DNAJC15: variants seen among roughly 807,000 people sequenced by gnomAD.
DNAJC15 encodes the protein dnaJ homolog subfamily C member 15.
A neutral mutation model predicts 22.4 loss-of-function variants in DNAJC15; 27 were observed. The observed-to-expected ratio is 1.20, with a 90% CI of 0.89 to 1.66. The LOEUF (loss-of-function observed/expected upper bound fraction) is 1.66, where lower values mean the gene tolerates loss of function less well. Among genes scored for constraint, DNAJC15 ranks in the 40% most tolerant of loss-of-function variants. The pLI is 0.00. For missense variants in DNAJC15, 208 were observed against 187.1 expected (o/e 1.11, Z -0.65); for synonymous variants, 79 against 63.2 (o/e 1.25, Z -1.19).
At chr13:43,043,359 T>A (rs922616902) in intron 1 of DNAJC15, among the ~76,000 whole-genome samples, 38 of 152,188 alleles carry the variant, frequency 2.5e-4, no homozygotes, top group African/African-American at 9.2e-4. Flanking sequence ...TCTACCCGCC[T>A]TGGTCTCCCA....
chr13:43,058,161 A>T (rs2040540567), intron 1 of DNAJC15, among the ~76,000 whole-genome samples: 1 of 152,074 alleles, frequency 6.6e-6, no homozygotes, highest in Non-Finnish European at 1.5e-5. Context: ...CTTTTTTCTT[A>T]GAGTGTGGTT....
At chr13:43,049,479 C>A (rs757305303) in intron 1 of DNAJC15, among the ~76,000 whole-genome samples, 46 of 152,124 alleles carry the variant, frequency 3.0e-4, no homozygotes, top group Non-Finnish European at 1.0e-4. Context: ...TGAAAGCATG[C>A]TAATTGTTTT....
At chr13:43,104,465 G>A (rs2040786401) in intron 5 of DNAJC15, among the ~76,000 whole-genome samples, 1 of 152,004 alleles carries the variant, frequency 6.6e-6, no homozygotes, top group African/African-American at 2.4e-5. Context: ...ATTTTATTTA[G>A]CTCTTCTAGT....
At chr13:43,084,860 T>TA (rs1404031829) in intron 4 of DNAJC15, among the ~76,000 whole-genome samples, 1 of 152,216 alleles carries the variant, frequency 6.6e-6, no homozygotes, top group Non-Finnish European at 1.5e-5. Flanking sequence ...CTATGAGACA[T>TA]AAAGAGTTTT....
At chr13:43,037,572 A>T (rs367648981) in intron 1 of DNAJC15, among the ~76,000 whole-genome samples, 1 of 152,310 alleles carries the variant, frequency 6.6e-6, no homozygotes, top group Non-Finnish European at 1.5e-5. Flanking sequence ...TGTTAAACCC[A>T]TCTCACCAGG....
In DNAJC15 at chr13:43,112,136, T is replaced by C. The variant is rs536493714; in HGVS notation, c.*4888T>C. On this transcript the variant is annotated 3_prime_UTR_variant, in exon 6 of 6. Transcript: ENST00000379221. Reference sequence around the variant, plus strand: ...GCTATTGTTCCCAGCTGAGTGCTCTTTTCCTCTTTTTATTGTTGCTGAGCA... The same window carrying C: ...GCTATTGTTCCCAGCTGAGTGCTCTCTTCCTCTTTTTATTGTTGCTGAGCA... 10 of 152,338 alleles carry C rather than the reference T, an allele frequency of 6.6e-5. No individual in the cohort carries two copies. Among genetic ancestry groups the C allele is most frequent in the African/African-American group, 2.4e-4 (10 of 41,578 alleles). 9.4% of individuals were successfully genotyped at this position (152,338 alleles called of 1,614,324 possible).
intron 5 of DNAJC15, among the ~76,000 whole-genome samples, chr13:43,090,517 C>G (rs1237641501): frequency 1.3e-5 from 2 of 151,884 alleles, no homozygotes; most frequent in Non-Finnish European, 2.9e-5. Flanking sequence ...TAGACTTAGG[C>G]AAAGATTTCC....
chr13:43,040,441 A>C (rs1342391082), intron 1 of DNAJC15, among the ~76,000 whole-genome samples: 1 of 152,204 alleles, frequency 6.6e-6, no homozygotes, highest in Admixed American at 6.5e-5. Flanking sequence ...GTGACCCCAT[A>C]ATGTTAAGTA....
intron 5 of DNAJC15, among the ~76,000 whole-genome samples, chr13:43,087,130 CTA>C (rs1425538090): frequency 6.6e-6 from 1 of 152,182 alleles, no homozygotes; most frequent in Non-Finnish European, 1.5e-5. Flanking sequence ...AGGCTGTACC[CTA>C]TGTTTCTGTT....
chr13:43,060,632 G>A (rs1368589314), intron 1 of DNAJC15, among the ~76,000 whole-genome samples: 1 of 152,150 alleles, frequency 6.6e-6, no homozygotes. Context: ...TCGAGGCCTT[G>A]GTGATTTTGG....
intron 5 of DNAJC15, among the ~76,000 whole-genome samples, chr13:43,101,426 T>C (rs1329768984): frequency 6.6e-6 from 1 of 152,360 alleles, no homozygotes; most frequent in East Asian, 1.9e-4. Flanking sequence ...TATTTACTTT[T>C]ATTTCAGTAG....
intron 1 of DNAJC15, among the ~76,000 whole-genome samples, chr13:43,044,393 C>T (rs1478839156): frequency 6.6e-6 from 1 of 152,148 alleles, no homozygotes; most frequent in Non-Finnish European, 1.5e-5. Flanking sequence ...TTCACTTAGG[C>T]TTTATCATAC....
At chr13:43,076,446 ATTC>A (rs1420951085) in intron 3 of DNAJC15, among the ~76,000 whole-genome samples, 3 of 152,142 alleles carry the variant, frequency 2.0e-5, no homozygotes, top group Admixed American at 1.3e-4. Context: ...TTCTTTTAGT[ATTC>A]TTCTTTCTTT....
At chr13:43,098,102 A>C (rs2040750054) in intron 5 of DNAJC15, among the ~76,000 whole-genome samples, 1 of 152,210 alleles carries the variant, frequency 6.6e-6, no homozygotes, top group South Asian at 2.1e-4. Context: ...GAGGGGATCT[A>C]TGCAATATCA....
At chr13:43,092,491 T>TAC (rs765654116) in intron 5 of DNAJC15, among the ~76,000 whole-genome samples, 4 of 142,188 alleles carry the variant, frequency 2.8e-5, no homozygotes, top group African/African-American at 1.0e-4. Context: ...TATATACATA[T>TAC]ACACACACAC....
chr13:43,079,845 C>G (rs1177352055), intron 4 of DNAJC15, among the ~76,000 whole-genome samples: 1 of 151,936 alleles, frequency 6.6e-6, no homozygotes, highest in African/African-American at 2.4e-5. Flanking sequence ...AAAGTTTTAT[C>G]CCATAGAACT....
intron 1 of DNAJC15, among the ~76,000 whole-genome samples, chr13:43,026,886 AAAAG>A (rs2061761414): frequency 1.3e-5 from 2 of 152,190 alleles, no homozygotes; most frequent in South Asian, 4.1e-4. Context: ...AGAAAAATCA[AAAAG>A]AAATAAATAT....
chr13:43,058,318 T>C (rs1415901966), intron 1 of DNAJC15, among the ~76,000 whole-genome samples: 2 of 152,080 alleles, frequency 1.3e-5, no homozygotes, highest in Non-Finnish European at 2.9e-5. Context: ...TCTCAGCTGA[T>C]GGGTGGGGAC....
chr13:43,037,802 AGG>A (rs2040435555), intron 1 of DNAJC15, among the ~76,000 whole-genome samples: 1 of 152,234 alleles, frequency 6.6e-6, no homozygotes, highest in Non-Finnish European at 1.5e-5. Context: ...TTACAGATGA[AGG>A]AACACATGGA....
Sources: allele counts gnomAD v4.1 joint callset (sites outside exome capture counted in the v4.1 genomes callset), GRCh38; gene constraint gnomAD v4.1.1; transcripts MANE v1.5; gene names NCBI Gene and HGNC (gene_info 2026-07-23, HGNC 2026-07-21).